MEI4: variants seen among roughly 807,000 people sequenced by gnomAD.
MEI4 encodes the protein meiotic double-stranded break formation protein 4.
Under a neutral mutation model 31.4 loss-of-function variants are expected in MEI4, and 27 were observed. That is an observed-to-expected ratio of 0.86 (90% CI 0.63 to 1.19). The LOEUF is 1.19. MEI4 is among the 50% of genes most tolerant of loss of function. The probability of loss-of-function intolerance (pLI) is 0.00; values close to 1 mark genes in which losing one functional copy is unlikely to be tolerated. For missense variants in MEI4, 329 were observed against 398.9 expected, an observed-to-expected ratio of 0.82 and a Z score of 1.49; for synonymous variants, 122 against 145.4, an observed-to-expected ratio of 0.84 and a Z score of 1.16.
chr6:77,681,416 A>G (rs1382053978), intron 1 of MEI4, among the ~76,000 whole-genome samples: 3 of 152,234 alleles, frequency 2.0e-5, no homozygotes, highest in Non-Finnish European at 4.4e-5. Flanking sequence ...GTAACCACGA[A>G]ACACCTATAG....
intron 2 of MEI4, among the ~76,000 whole-genome samples, chr6:77,739,087 A>G (rs1767329071): frequency 6.6e-6 from 1 of 152,176 alleles, no homozygotes; most frequent in Non-Finnish European, 1.5e-5. Flanking sequence ...TAGTTTAATT[A>G]GATCCCATTC....
chr6:77,853,171 C>G (rs12204414), intron 4 of MEI4, among the ~76,000 whole-genome samples: 1 of 151,962 alleles, frequency 6.6e-6, no homozygotes, highest in African/African-American at 2.4e-5. Flanking sequence ...GCACTCCAGC[C>G]CTGCAACAGG....
chr6:77,750,049 C>A (rs912834931), intron 2 of MEI4, among the ~76,000 whole-genome samples: 30 of 152,156 alleles, frequency 2.0e-4, no homozygotes, highest in African/African-American at 7.0e-4. Context: ...AAATAAAATT[C>A]TTTACAGACA....
At chr6:77,806,164 T>C (rs1254534565) in intron 3 of MEI4, among the ~76,000 whole-genome samples, 1 of 152,142 alleles carries the variant, frequency 6.6e-6, no homozygotes, top group African/African-American at 2.4e-5. Context: ...ATAGATAACA[T>C]GCTGTTAATT....
At chr6:77,893,020 A>AT (rs1766001280) in intron 4 of MEI4, among the ~76,000 whole-genome samples, 1 of 151,888 alleles carries the variant, frequency 6.6e-6, no homozygotes, top group Non-Finnish European at 1.5e-5. Context: ...GGAAAAAGAT[A>AT]TTTTTCCCAC....
At chr6:77,908,918 C>A (rs1255773280) in intron 4 of MEI4, among the ~76,000 whole-genome samples, 2 of 152,058 alleles carry the variant, frequency 1.3e-5, no homozygotes, top group Non-Finnish European at 2.9e-5. Flanking sequence ...GACTTTAACA[C>A]CCCACTGTCA....
intron 3 of MEI4, among the ~76,000 whole-genome samples, chr6:77,819,429 AATC>A (rs1437220887): frequency 2.6e-5 from 4 of 152,128 alleles, no homozygotes; most frequent in Admixed American, 6.6e-5. Context: ...AACTTAGAGA[AATC>A]ATTATTGGAC....
intron 3 of MEI4, among the ~76,000 whole-genome samples, chr6:77,804,434 C>T (rs1196374185): frequency 6.6e-6 from 1 of 152,182 alleles, no homozygotes; most frequent in Non-Finnish European, 1.5e-5. Flanking sequence ...TGCTTTGGCT[C>T]ACACTCAGTG....
intron 4 of MEI4, among the ~76,000 whole-genome samples, chr6:77,892,170 G>T (rs931604379): frequency 1.3e-5 from 2 of 152,252 alleles, no homozygotes; most frequent in East Asian, 3.9e-4. Context: ...TACATAGTGG[G>T]TGTGGTGGTG....
chr6:77,876,624 G>C (rs1468053944), intron 4 of MEI4, among the ~76,000 whole-genome samples: 4 of 152,150 alleles, frequency 2.6e-5, no homozygotes. Flanking sequence ...TAGGTATCAA[G>C]TATCTAGCAC....
chr6:77,740,298 TAG>T (rs1438296096), intron 2 of MEI4, among the ~76,000 whole-genome samples: 2 of 152,152 alleles, frequency 1.3e-5, no homozygotes, highest in African/African-American at 4.8e-5. Context: ...TGTTTTGAGG[TAG>T]AGAGTTCTGT....
intron 2 of MEI4, among the ~76,000 whole-genome samples, chr6:77,727,456 C>G (rs916846792): frequency 1.2e-4 from 18 of 152,250 alleles, no homozygotes; most frequent in African/African-American, 4.1e-4. Context: ...CAGGGACAGT[C>G]TGAACTATTG....
intron 3 of MEI4, among the ~76,000 whole-genome samples, chr6:77,801,587 C>G (rs1054965525): frequency 7.9e-5 from 12 of 152,090 alleles, no homozygotes; most frequent in African/African-American, 2.4e-4. Context: ...GTTAGGGTGT[C>G]AATTTTAGAT....
chr6:77,665,845 C>G (rs985466266), intron 1 of MEI4, among the ~76,000 whole-genome samples: 2 of 152,098 alleles, frequency 1.3e-5, no homozygotes, highest in Non-Finnish European at 2.9e-5. Context: ...AAGAAGAGGT[C>G]GCTTACCTGA....
intron 1 of MEI4, among the ~76,000 whole-genome samples, chr6:77,683,822 C>T (rs1010906504): frequency 1.3e-5 from 2 of 152,074 alleles, no homozygotes; most frequent in African/African-American, 4.8e-5. Flanking sequence ...TTTTCTATTG[C>T]GAATAATGCT....
chr6:77,774,070 G>A (rs2127687538), intron 3 of MEI4, among the ~76,000 whole-genome samples: 1 of 152,202 alleles, frequency 6.6e-6, no homozygotes, highest in East Asian at 1.9e-4. Flanking sequence ...TGGTGTAAAT[G>A]TAAATTAGTA....
intron 4 of MEI4, among the ~76,000 whole-genome samples, chr6:77,862,857 G>C (rs1381146738): frequency 6.6e-6 from 1 of 152,108 alleles, no homozygotes; most frequent in Non-Finnish European, 1.5e-5. Context: ...CACATGGCTG[G>C]GTACTCCTCT....
intron 4 of MEI4, among the ~76,000 whole-genome samples, chr6:77,867,040 A>G (rs539348009): frequency 9.9e-5 from 15 of 152,212 alleles, no homozygotes; most frequent in Admixed American, 3.9e-4. Flanking sequence ...CTGAAACTGG[A>G]TCTCTTCCTT....
chr6:77,871,314 T>A (rs1771184795), intron 4 of MEI4, among the ~76,000 whole-genome samples: 1 of 152,208 alleles, frequency 6.6e-6, no homozygotes, highest in Non-Finnish European at 1.5e-5. Context: ...AACAAAAGTC[T>A]ACCTAAAAAA....
Sources: allele counts gnomAD v4.1 joint callset (sites outside exome capture counted in the v4.1 genomes callset), GRCh38; gene constraint gnomAD v4.1.1; transcripts MANE v1.5; gene names NCBI Gene and HGNC (gene_info 2026-07-23, HGNC 2026-07-21).